Variants in CTSK observed in about 807,000 individuals in gnomAD.
CTSK encodes cathepsin K.
In CTSK, 26 loss-of-function variants were observed where a neutral mutation model predicts 40.5. The ratio of observed to expected loss-of-function variants is 0.64; its 90% CI spans 0.47 to 0.89. CTSK has a LOEUF of 0.89. Ranked by LOEUF, CTSK falls within the 40% of genes least tolerant of loss-of-function variation. CTSK has a pLI of 0.00. For synonymous variants in CTSK, 132 were observed against 143.2 expected (o/e 0.92, Z 0.56); for missense variants, 292 against 400.1 (o/e 0.73, Z 2.30).
chr1:150,807,227 GT>G (rs587705148), intron 1 of CTSK: 872 of 473,860 alleles, frequency 1.8e-3, no homozygotes, highest in Non-Finnish European at 2.7e-3. Flanking sequence ...AAATAGCAAG[GT>G]GGTAGTGGGG....
In CTSK at chr1:150,796,622, G is replaced by A. The variant is rs1653880796; in HGVS notation, c.*177C>T. 1.4e-6 allele frequency: 1 copy of A among 700,792 alleles called. No individual in the cohort carries two copies. The highest frequency in any genetic ancestry group is 2.6e-6 in the Non-Finnish European group (1 of 385,922). The allele number at this position is 700,792 out of a possible 1,614,324, so 43.4% of individuals were successfully genotyped here. On this transcript the variant is annotated 3_prime_UTR_variant, in exon 8 of 8. Transcript: ENST00000271651. The stretch of plus-strand genomic sequence containing the variant: ...CACAGTGAAAAAGGTCATGGGTGGA[G>A]AGAAGCAAAGTAGGAAGGATCATTT...
At position 150,804,130 on chromosome 1, in the gene CTSK, C is replaced by T. The variant is rs1300052041; in HGVS notation, c.509G>A (p.Cys170Tyr). 1 of 1,614,196 alleles carries T rather than the reference C, an allele frequency of 6.2e-7. No homozygotes were observed. Among genetic ancestry groups the T allele is most frequent in the Non-Finnish European group, 8.5e-7 (1 of 1,180,026 alleles). Residue 170 changes from cysteine to tyrosine, a missense_variant, in exon 5 of 8, where the codon TGT (cysteine) becomes TAT (tyrosine). Physicochemically the swap from Cys to Tyr is radical, Grantham distance 194. Coordinates refer to ENST00000271651, the MANE Select transcript of CTSK (RefSeq NM_000396.4). ...LNLSPQNLVDCVSENDGCGGG... is the reference protein window; with the variant it reads ...LNLSPQNLVDYVSENDGCGGG... The stretch of plus-strand genomic sequence containing the variant: ...TCCACAGCCATCATTCTCAGACACA[C>T]AATCCACTAGGTTCTGGGGACTCAG...
At chr1:150,806,912 CAA>C in intron 1 of CTSK, 106 bp from the exon 2 acceptor site, 3 of 1,363,546 alleles carry the variant, frequency 2.2e-6, no homozygotes, top group Non-Finnish European at 3.1e-6. Context: ...GGTGATAAAA[CAA>C]TGATAGTCAG....
At chr1:150,803,569 C>G (rs1177574553) in intron 5 of CTSK, among the ~76,000 whole-genome samples, 1 of 152,192 alleles carries the variant, frequency 6.6e-6, no homozygotes, top group Admixed American at 6.5e-5. Context: ...TCCCTTATCT[C>G]TTATATGAAG....
chr1:150,804,983 G>A (rs1050094452), intron 4 of CTSK, among the ~76,000 whole-genome samples: 2 of 151,620 alleles, frequency 1.3e-5, no homozygotes, highest in Non-Finnish European at 2.9e-5. Flanking sequence ...AGGCCGAAGC[G>A]GGCAGATTGC....
intron 7 of CTSK, 118 bp from the exon 8 acceptor site, chr1:150,797,016 C>G (rs1478972718): frequency 1.3e-6 from 1 of 784,424 alleles, no homozygotes; most frequent in Admixed American, 2.0e-5. Flanking sequence ...TGTTTTTTAA[C>G]TTTAAAGAGT....
At chr1:150,807,250 C>G in intron 1 of CTSK, 1 of 472,806 alleles carries the variant, frequency 2.1e-6, no homozygotes, top group Non-Finnish European at 4.4e-6. Context: ...TCAGAATACA[C>G]AAAGGAGAGA....
intron 5 of CTSK, among the ~76,000 whole-genome samples, chr1:150,799,993 G>A (rs1015016972): frequency 5.9e-5 from 9 of 151,898 alleles, no homozygotes; most frequent in Non-Finnish European, 1.3e-4. Flanking sequence ...TCAGGAGATC[G>A]AGACCATCCT....
Position 150,799,278 on chromosome 1 carries a change from A to C in CTSK, c.785-5T>G. On this transcript the variant is annotated splice_region_variant and splice_polypyrimidine_tract_variant and intron_variant, in intron 6 of 7. Transcript: ENST00000271651. ...AGCTTTCATCATAATACACACCTAGAATACAAACTACCAGCGTGAGGCTCT... is the reference window on the plus strand; with the variant it reads ...AGCTTTCATCATAATACACACCTAGCATACAAACTACCAGCGTGAGGCTCT... 6.3e-7 allele frequency: 1 copy of C among 1,592,448 alleles called. No individual in the cohort carries two copies. The highest frequency in any genetic ancestry group is 8.6e-7 in the Non-Finnish European group (1 of 1,160,104).
intron 4 of CTSK, among the ~76,000 whole-genome samples, chr1:150,804,654 G>A (rs756013212): frequency 1.3e-5 from 2 of 152,110 alleles, no homozygotes; most frequent in Non-Finnish European, 2.9e-5. Flanking sequence ...AAAAGTATTA[G>A]CTATTATTGT....
In CTSK at chr1:150,796,888, T is replaced by A. The variant is rs778490830; in HGVS notation, c.901A>T (p.Asn301Tyr). 1.1e-5 allele frequency: 17 copies of A among 1,613,168 alleles called. No individual in the cohort carries two copies. The African/African-American group carries it at 2.0e-4, about 19-fold the overall frequency. ...AGGATATATCCTTTGTTTCCCCAGT[T>A]TTCTCCCCAGCTGTAAGACCAATCA... ...HWIIKNSWGE[N>Y]WGNKGYILMA... Residue 301 changes from asparagine (N) to tyrosine (Y), a missense_variant, in exon 8 of 8, where the codon AAC becomes TAC. Physicochemically the swap from Asn to Tyr is moderately radical, Grantham distance 143. Coordinates refer to ENST00000271651, the MANE Select transcript of CTSK (RefSeq NM_000396.4).
At chr1:150,799,034 T>G in intron 7 of CTSK, 134 bp downstream of exon 7, 1 of 700,434 alleles carries the variant, frequency 1.4e-6, no homozygotes, top group Non-Finnish European at 2.6e-6. Flanking sequence ...AGCCTCTGAC[T>G]GAGAAGATAG....
intron 1 of CTSK, 95 bp from the exon 2 acceptor site, chr1:150,806,901 G>A (rs587717509): frequency 5.0e-5 from 73 of 1,469,788 alleles, no homozygotes; most frequent in Non-Finnish European, 2.4e-5. Flanking sequence ...GACGGAAAAA[G>A]GGTGATAAAA....
intron 4 of CTSK, among the ~76,000 whole-genome samples, chr1:150,805,447 C>A (rs1654067355): frequency 6.6e-6 from 1 of 151,580 alleles, no homozygotes; most frequent in South Asian, 2.1e-4. Flanking sequence ...CAAGACCAGC[C>A]TGGCCAACAT....
chr1:150,797,809 A>G (rs912378231), intron 7 of CTSK, among the ~76,000 whole-genome samples: 1 of 152,126 alleles, frequency 6.6e-6, no homozygotes, highest in Non-Finnish European at 1.5e-5. Flanking sequence ...ATCTCCACAC[A>G]TGGTACCTGA....
rs1653936313 is a variant in CTSK at position 150,799,277 on chromosome 1, G to T, written c.785-4C>A. The T allele has an allele frequency of 6.3e-7, 1 of 1,594,694 alleles. No individual in the cohort carries two copies. Among genetic ancestry groups the T allele is most frequent in the East Asian group, 2.2e-5 (1 of 44,800 alleles). ...CAGCTTTCATCATAATACACACCTAGAATACAAACTACCAGCGTGAGGCTC... is the reference window on the plus strand; with the variant it reads ...CAGCTTTCATCATAATACACACCTATAATACAAACTACCAGCGTGAGGCTC... On this transcript the variant is annotated splice_region_variant and splice_polypyrimidine_tract_variant and intron_variant, in intron 6 of 7. Coordinates refer to ENST00000271651, the MANE Select transcript of CTSK (RefSeq NM_000396.4).
At position 150,806,176 on chromosome 1, in the gene CTSK, T is replaced by C. The variant is rs201446793; in HGVS notation, c.169A>G (p.Ile57Val). Residue 57 changes from isoleucine to valine, a missense_variant, in exon 3 of 8, where the codon ATT becomes GTT. By Grantham distance (29) the Ile-to-Val change is conservative. Transcript: ENST00000271651. ...RLIWEKNLKY[I>V]SIHNLEASLG... Reference sequence around the variant, plus strand: ...GAAGCCTCAAGGTTATGGATGGAAATATACTTCAGGTTTTTTTCCCAAATT... The same window carrying C: ...GAAGCCTCAAGGTTATGGATGGAAACATACTTCAGGTTTTTTTCCCAAATT... 1.5e-4 allele frequency: 241 copies of C among 1,614,026 alleles called. No individual in the cohort carries two copies. Among genetic ancestry groups the C allele is most frequent in the Middle Eastern group, 8.2e-4 (5 of 6,084 alleles).
At chr1:150,803,974 G>T in intron 5 of CTSK, 47 bp downstream of exon 5, 1 of 1,451,504 alleles carries the variant, frequency 6.9e-7, no homozygotes, top group African/African-American at 1.4e-5. Flanking sequence ...ATCATGCTGG[G>T]GAAGGAGGAG....
chr1:150,796,743 T>TA lies in CTSK; in HGVS notation c.*55dup. ...CCAACTCCCTTCCAAAGTGCATCGT[T>TA]ACACTGCACCATCGTGGAAGAAATG... On this transcript the variant is annotated 3_prime_UTR_variant, in exon 8 of 8. Coordinates refer to ENST00000271651, the MANE Select transcript of CTSK (RefSeq NM_000396.4). 8.1e-7 allele frequency: 1 copy of TA among 1,232,942 alleles called. No individual in the cohort carries two copies. The highest frequency in any genetic ancestry group is 2.3e-5 in the East Asian group (1 of 43,090). 76.4% of individuals were successfully genotyped at this position (1,232,942 alleles called of 1,614,324 possible).
Sources: gnomAD v4.1 joint callset for allele counts (sites outside exome capture counted in the v4.1 genomes callset) on GRCh38, gnomAD v4.1.1 for gene constraint, MANE v1.5 for transcripts, NCBI Gene and HGNC (gene_info 2026-07-23, HGNC 2026-07-21) for gene names.